CPPED1: variants seen among roughly 807,000 people sequenced by gnomAD.
CPPED1 encodes calcineurin like phosphoesterase domain containing 1.
CPPED1 carries 28 observed loss-of-function variants against 28.0 expected under a neutral mutation model. The observed-to-expected ratio is 1.00, with a 90% CI of 0.74 to 1.37. CPPED1 has a LOEUF of 1.37. Ranked by LOEUF, CPPED1 falls within the 40% of genes most tolerant of loss-of-function variation. CPPED1 has a pLI of 0.00. For synonymous variants in CPPED1, 198 were observed against 180.2 expected (o/e 1.10, Z -0.79); for missense variants, 504 against 416.5 (o/e 1.21, Z -1.83).
At chr16:12,702,991 G>A (rs948278945) in intron 3 of CPPED1, among the ~76,000 whole-genome samples, 2 of 138,338 alleles carry the variant, frequency 1.4e-5, no homozygotes, top group South Asian at 4.7e-4. Flanking sequence ...CAGCCTGGGT[G>A]ACAAGAGCGG....
At chr16:12,687,630 G>C (rs990554122) in intron 3 of CPPED1, among the ~76,000 whole-genome samples, 3 of 152,134 alleles carry the variant, frequency 2.0e-5, no homozygotes, top group African/African-American at 4.8e-5. Context: ...AACTAGCTAG[G>C]CGTGGTGGCG....
intron 3 of CPPED1, among the ~76,000 whole-genome samples, chr16:12,674,412 C>G (rs2079867830): frequency 1.3e-5 from 2 of 152,242 alleles, no homozygotes; most frequent in African/African-American, 4.8e-5. Context: ...GAGCCAGGTC[C>G]AGAAGAAGCC....
intron 3 of CPPED1, among the ~76,000 whole-genome samples, chr16:12,677,014 T>C (rs374555464): frequency 6.0e-4 from 91 of 152,140 alleles, no homozygotes; most frequent in African/African-American, 2.0e-3. Context: ...CAAGTAGAGG[T>C]AAAGACACAT....
intron 2 of CPPED1, among the ~76,000 whole-genome samples, chr16:12,742,613 T>C (rs530509168): frequency 4.8e-4 from 59 of 122,726 alleles, no homozygotes; most frequent in African/African-American, 1.5e-3. Context: ...ATACAGGATA[T>C]GCACCCTGCA....
intron 2 of CPPED1, among the ~76,000 whole-genome samples, chr16:12,776,192 C>T (rs2141235686): frequency 6.6e-6 from 1 of 152,146 alleles, no homozygotes; most frequent in Non-Finnish European, 1.5e-5. Context: ...AGAAAAGGTG[C>T]AATGCTGCTG....
chr16:12,688,888 AG>A (rs981971187), intron 3 of CPPED1, among the ~76,000 whole-genome samples: 34 of 152,376 alleles, frequency 2.2e-4, no homozygotes, highest in African/African-American at 7.9e-4. Context: ...ACATGTCTTC[AG>A]CAAAACACGA....
At chr16:12,683,095 G>A (rs1011077871) in intron 3 of CPPED1, among the ~76,000 whole-genome samples, 2 of 152,220 alleles carry the variant, frequency 1.3e-5, no homozygotes, top group Admixed American at 1.3e-4. Context: ...TTGCTAGGGA[G>A]AAAGTGCCCT....
chr16:12,779,001 A>G (rs1198175667), intron 2 of CPPED1, among the ~76,000 whole-genome samples: 1 of 152,238 alleles, frequency 6.6e-6, no homozygotes, highest in African/African-American at 2.4e-5. Flanking sequence ...TATAGTGTTT[A>G]ATGTATATTC....
At chr16:12,801,812 G>A (rs1042537751) in intron 1 of CPPED1, among the ~76,000 whole-genome samples, 16 of 152,158 alleles carry the variant, frequency 1.1e-4, no homozygotes, top group African/African-American at 3.9e-4. Context: ...TTGGGTGGAC[G>A]AAACCTACAA....
At chr16:12,742,965 A>G (rs2080264487) in intron 2 of CPPED1, among the ~76,000 whole-genome samples, 1 of 152,208 alleles carries the variant, frequency 6.6e-6, no homozygotes, top group East Asian at 1.9e-4. Context: ...TCCAGCAATA[A>G]GCTGTGACAA....
chr16:12,781,335 T>C lies in CPPED1; in HGVS notation c.139A>G (p.Lys47Glu). The C allele has an allele frequency of 6.2e-7, 1 of 1,614,182 alleles. No homozygotes were observed. Among genetic ancestry groups the C allele is most frequent in the South Asian group, 1.1e-5 (1 of 91,084 alleles). Residue 47 changes from lysine to glutamate, a missense_variant, in exon 2 of 4, where the codon AAG (lysine) becomes GAG (glutamate). Coordinates refer to ENST00000381774, the MANE Select transcript of CPPED1 (RefSeq NM_018340.3). The stretch of plus-strand genomic sequence containing the variant: ...TCACAGTCCCCAGTGGACCAGGCCT[T>C]GATCAGCCCAAACTGTGGGTCTGCG... ...LGADPQFGLI[K>E]AWSTGDCDNG... is the part of the protein sequence containing the mutation.
In CPPED1 at chr16:12,670,339, C is replaced by T. The variant is rs1185263314; in HGVS notation, c.716-5224G>A. ...TTTGCAAGACCATAATAATAAACTA[C>T]TGAATAAATAAATAAATGGTAGGGG... On this transcript the variant is annotated intron_variant, in intron 3 of 3. Coordinates refer to ENST00000381774, the MANE Select transcript of CPPED1 (RefSeq NM_018340.3). The surrounding 1 kb of genome is among the most constrained non-coding windows in gnomAD (Gnocchi z 4.2). Among the ~76,000 whole-genome samples the T allele has an allele frequency of 6.6e-6, 1 of 152,020 alleles. No individual in the cohort carries two copies. Among genetic ancestry groups the T allele is most frequent in the African/African-American group, 2.4e-5 (1 of 41,376 alleles).
At chr16:12,726,670 G>A (rs2080171714) in intron 2 of CPPED1, among the ~76,000 whole-genome samples, 1 of 152,072 alleles carries the variant, frequency 6.6e-6, no homozygotes, top group Admixed American at 6.5e-5. Context: ...TTAGCCAGGT[G>A]TGGTGGGGCA....
intron 2 of CPPED1, among the ~76,000 whole-genome samples, chr16:12,729,908 C>A (rs1264686661): frequency 1.3e-5 from 2 of 152,156 alleles, no homozygotes; most frequent in Admixed American, 6.5e-5. Flanking sequence ...GTTGCCGAGG[C>A]TGGAGTACAG....
chr16:12,731,815 A>C (rs1295790059), intron 2 of CPPED1, among the ~76,000 whole-genome samples: 1 of 151,904 alleles, frequency 6.6e-6, no homozygotes, highest in African/African-American at 2.4e-5. Context: ...AAAAAAAAGA[A>C]CAAAACAACC....
intron 2 of CPPED1, among the ~76,000 whole-genome samples, chr16:12,768,789 AT>A (rs1215895163): frequency 1.3e-5 from 2 of 151,532 alleles, no homozygotes; most frequent in Non-Finnish European, 2.9e-5. Flanking sequence ...GATCACATGG[AT>A]TTTTTTTCCC....
At position 12,702,495 on chromosome 16, in the gene CPPED1, G is replaced by A. The variant is rs1365084684; in HGVS notation, c.715+2129C>T. 4.6e-5 allele frequency among the ~76,000 whole-genome samples: 7 copies of A among 152,144 alleles called. No individual in the cohort carries two copies. The South Asian group carries it at 8.3e-4, about 18-fold the overall frequency. On this transcript the variant is annotated intron_variant, in intron 3 of 3. Transcript: ENST00000381774. ...CGAGGCTGCAGTGAGCCATGATCAC[G>A]CCACTGCACGCCAGCCTGGGTGACA...
chr16:12,717,294 C>T (rs1018361879), intron 2 of CPPED1, among the ~76,000 whole-genome samples: 3 of 152,176 alleles, frequency 2.0e-5, no homozygotes, highest in Non-Finnish European at 4.4e-5. Flanking sequence ...GGCGGAGTCT[C>T]GCTTTGTCGC....
At chr16:12,692,972 C>G (rs896803867) in intron 3 of CPPED1, among the ~76,000 whole-genome samples, 2 of 152,212 alleles carry the variant, frequency 1.3e-5, no homozygotes, top group African/African-American at 4.8e-5. Context: ...CCTGGACTTC[C>G]AACTGCACAC....
Sources: allele counts gnomAD v4.1 joint callset (sites outside exome capture counted in the v4.1 genomes callset), GRCh38; gene constraint gnomAD v4.1.1; non-coding constraint Gnocchi (gnomAD v3.1); transcripts MANE v1.5; gene names NCBI Gene and HGNC (gene_info 2026-07-23, HGNC 2026-07-21).